The following ABHD5 variants were observed in gnomAD, a reference collection of about 807,000 sequenced individuals.
ABHD5 encodes the protein abhydrolase domain containing 5, lysophosphatidic acid acyltransferase, also known as 1-acylglycerol-3-phosphate O-acyltransferase ABHD5.
ABHD5 carries 30 observed loss-of-function variants against 44.9 expected under a neutral mutation model. The ratio of observed to expected loss-of-function variants is 0.67; its 90% CI spans 0.50 to 0.91. ABHD5 has a LOEUF of 0.91. ABHD5 is among the 40% of genes least tolerant of loss of function. The pLI is 0.00. For synonymous variants in ABHD5, 167 were observed against 147.0 expected (o/e 1.14, Z -0.99); for missense variants, 399 against 423.4 (o/e 0.94, Z 0.50).
chr3:43,711,638 AT>A, intron 3 of ABHD5, 70 bp from the exon 4 acceptor site: 1 of 1,569,094 alleles, frequency 6.4e-7, no homozygotes, highest in Non-Finnish European at 8.8e-7. Flanking sequence ...TATTTTATAA[AT>A]CATGTTAGCT....
At chr3:43,723,073 A>G (rs76491166), downstream of ABHD5, among the ~76,000 whole-genome samples, 29 of 152,314 alleles carry the variant, frequency 1.9e-4, 1 homozygote, top group East Asian at 4.2e-3. Context: ...GGTCATGTCA[A>G]AAGGACCCAG....
At chr3:43,698,176 T>C (rs934977533) in intron 1 of ABHD5, among the ~76,000 whole-genome samples, 2 of 152,220 alleles carry the variant, frequency 1.3e-5, no homozygotes, top group African/African-American at 2.4e-5. Flanking sequence ...GTCATTATAG[T>C]GGTAACCTAA....
chr3:43,728,747 C>T (rs1163127351), intron 7 of ABHD5, among the ~76,000 whole-genome samples: 1 of 152,214 alleles, frequency 6.6e-6, no homozygotes, highest in African/African-American at 2.4e-5. Context: ...TATTAAACAA[C>T]CTCCACTAAC....
chr3:43,727,043 G>T (rs1355175826), downstream of ABHD5, among the ~76,000 whole-genome samples: 1 of 152,124 alleles, frequency 6.6e-6, no homozygotes, highest in Non-Finnish European at 1.5e-5. Context: ...AGATTTTGGG[G>T]CGCCCTCTCT....
chr3:43,707,968 T>G (rs1318946323), intron 3 of ABHD5, among the ~76,000 whole-genome samples: 3 of 152,296 alleles, frequency 2.0e-5, no homozygotes, highest in Non-Finnish European at 4.4e-5. Flanking sequence ...GACTGGTGGC[T>G]GTCTTTAAAT....
At chr3:43,700,287 A>C (rs1461956798) in intron 2 of ABHD5, among the ~76,000 whole-genome samples, 1 of 152,102 alleles carries the variant, frequency 6.6e-6, no homozygotes, top group Non-Finnish European at 1.5e-5. Context: ...GAGCACTAAA[A>C]TTTACCCAAA....
At chr3:43,691,234 C>T (rs923475376) in intron 1 of ABHD5, 195 bp downstream of exon 1, 17 of 469,502 alleles carry the variant, frequency 3.6e-5, no homozygotes, top group African/African-American at 3.2e-4. Flanking sequence ...GAGAGGCTCC[C>T]CTCAGCGTCG....
At chr3:43,694,814 G>A (rs747873740) in intron 1 of ABHD5, 2 of 152,126 alleles carry the variant, frequency 1.3e-5, no homozygotes, top group Non-Finnish European at 2.9e-5. Context: ...AATCACTTAA[G>A]TATCATTTAT....
chr3:43,700,128 C>G (rs997243505), intron 2 of ABHD5, among the ~76,000 whole-genome samples: 2 of 152,128 alleles, frequency 1.3e-5, no homozygotes, highest in Non-Finnish European at 2.9e-5. Context: ...AGATCTTGGA[C>G]AAGTCACTTT....
At chr3:43,727,587 A>G (rs1228411446), downstream of ABHD5, among the ~76,000 whole-genome samples, 2 of 152,066 alleles carry the variant, frequency 1.3e-5, no homozygotes, top group Non-Finnish European at 2.9e-5. Flanking sequence ...ATGGTGTTGT[A>G]TTTGTACTAC....
At chr3:43,728,806 A>G (rs1352804873) in intron 7 of ABHD5, among the ~76,000 whole-genome samples, 2 of 152,228 alleles carry the variant, frequency 1.3e-5, no homozygotes, top group Non-Finnish European at 1.5e-5. Context: ...CTGAGCGCCT[A>G]GAGTGGACAC....
intron 7 of ABHD5, among the ~76,000 whole-genome samples, chr3:43,729,193 G>A (rs2084897665): frequency 6.6e-6 from 1 of 152,174 alleles, no homozygotes; most frequent in Non-Finnish European, 1.5e-5. Context: ...ACGACTTTGT[G>A]GTGAGGTTGG....
intron 2 of ABHD5, 192 bp downstream of exon 2, chr3:43,699,553 T>C (rs1225068532): frequency 6.7e-6 from 4 of 596,536 alleles, no homozygotes; most frequent in Non-Finnish European, 1.2e-5. Flanking sequence ...CTAAAACTTT[T>C]TGGTCTTGGG....
chr3:43,728,967 A>G (rs1482046475), intron 7 of ABHD5, among the ~76,000 whole-genome samples: 1 of 152,198 alleles, frequency 6.6e-6, no homozygotes, highest in Non-Finnish European at 1.5e-5. Flanking sequence ...ATGTAAAAGT[A>G]AGGATTTCCT....
At chr3:43,709,729 G>T (rs1429986655) in intron 3 of ABHD5, among the ~76,000 whole-genome samples, 1 of 152,030 alleles carries the variant, frequency 6.6e-6, no homozygotes, top group African/African-American at 2.4e-5. Context: ...CCCTACCCCA[G>T]ATCTTATTGT....
intron 1 of ABHD5, among the ~76,000 whole-genome samples, chr3:43,697,339 G>A (rs1309848247): frequency 1.3e-5 from 2 of 152,028 alleles, no homozygotes; most frequent in African/African-American, 4.8e-5. Flanking sequence ...TCATTTCACT[G>A]TAATTTTTTT....
At chr3:43,708,359 C>T (rs1475001983) in intron 3 of ABHD5, among the ~76,000 whole-genome samples, 1 of 152,158 alleles carries the variant, frequency 6.6e-6, no homozygotes, top group East Asian at 1.9e-4. Flanking sequence ...TAGGGTTTAG[C>T]TAATTATAAT....
intron 3 of ABHD5, among the ~76,000 whole-genome samples, chr3:43,704,833 G>A (rs1559413411): frequency 6.6e-6 from 1 of 152,174 alleles, no homozygotes; most frequent in Non-Finnish European, 1.5e-5. Flanking sequence ...CTAGAGTACT[G>A]TCTCAGGACC....
chr3:43,711,893 T>C (rs1488170569), intron 4 of ABHD5, 30 bp downstream of exon 4: 3 of 1,613,812 alleles, frequency 1.9e-6, no homozygotes, highest in Non-Finnish European at 2.5e-6. Flanking sequence ...GAAAGCAAAA[T>C]GTTTGTAAGT....
Sources: gnomAD v4.1 joint callset for allele counts (sites outside exome capture counted in the v4.1 genomes callset) on GRCh38, gnomAD v4.1.1 for gene constraint, MANE v1.5 for transcripts, NCBI Gene and HGNC (gene_info 2026-07-23, HGNC 2026-07-21) for gene names.